The following THOC3 variants were observed in gnomAD, a reference collection of about 807,000 sequenced individuals.
The protein encoded by THOC3 is THO complex subunit 3.
In THOC3, 4 loss-of-function variants were observed where a neutral mutation model predicts 23.3. The ratio of observed to expected loss-of-function variants is 0.17; its 90% CI spans 0.08 to 0.39. The LOEUF (loss-of-function observed/expected upper bound fraction) is 0.39. THOC3 is among the 10% of genes least tolerant of loss of function. The pLI is 1.00. For synonymous variants in THOC3, 27 were observed against 141.5 expected (o/e 0.19, Z 5.74); for missense variants, 64 against 359.4 (o/e 0.18, Z 6.65).
chr5:175,964,332 C>T (rs1267388963), intron 3 of THOC3, among the ~76,000 whole-genome samples: 3 of 152,208 alleles, frequency 2.0e-5, no homozygotes, highest in African/African-American at 7.2e-5. Flanking sequence ...GGGGAGCTTC[C>T]CTGAAGGCAA....
At chr5:175,963,944 A>G (rs1340946491) in intron 3 of THOC3, among the ~76,000 whole-genome samples, 7 of 152,302 alleles carry the variant, frequency 4.6e-5, no homozygotes, top group African/African-American at 1.7e-4. Context: ...AACCCCCCAT[A>G]TAGTATGTCT....
intron 2 of THOC3, among the ~76,000 whole-genome samples, chr5:175,965,845 T>C (rs1341093595): frequency 2.0e-5 from 3 of 152,246 alleles, no homozygotes; most frequent in Non-Finnish European, 2.9e-5. Context: ...TTAAACACTA[T>C]ACTTTTCTTT....
intron 2 of THOC3, among the ~76,000 whole-genome samples, chr5:175,965,692 T>C (rs1482589296): frequency 6.6e-6 from 1 of 152,266 alleles, no homozygotes; most frequent in Non-Finnish European, 1.5e-5. Context: ...CCCAAAGTGC[T>C]GGGATTACAG....
chr5:175,964,114 T>G (rs1756718688), intron 3 of THOC3, among the ~76,000 whole-genome samples: 1 of 152,144 alleles, frequency 6.6e-6, no homozygotes, highest in Non-Finnish European at 1.5e-5. Flanking sequence ...AAATATTTAC[T>G]AAGATCCTAC....
intron 2 of THOC3, among the ~76,000 whole-genome samples, chr5:175,965,884 A>G (rs1257545807): frequency 2.0e-5 from 3 of 152,286 alleles, no homozygotes; most frequent in African/African-American, 7.2e-5. Context: ...AATTGATTCA[A>G]AAAAGTTTAC....
chr5:175,965,646 C>T (rs1230877648), intron 2 of THOC3, among the ~76,000 whole-genome samples: 1 of 152,284 alleles, frequency 6.6e-6, no homozygotes, highest in Non-Finnish European at 1.5e-5. Context: ...AGGATGGTCT[C>T]GATCTCCTGA....
intron 2 of THOC3, 86 bp from the exon 3 acceptor site, chr5:175,965,241 G>A (rs1756743679): frequency 1.3e-6 from 2 of 1,575,742 alleles, no homozygotes; most frequent in Non-Finnish European, 1.7e-6. Context: ...AAGAAGACCA[G>A]AGCTTTCTTC....
intron 3 of THOC3, among the ~76,000 whole-genome samples, chr5:175,962,194 T>G (rs1332224332): frequency 1.3e-5 from 2 of 150,040 alleles, no homozygotes; most frequent in African/African-American, 5.0e-5. Flanking sequence ...ATATTGTTGT[T>G]CTGAGACATC....
At chr5:175,966,553 C>T (rs1308341807) in intron 2 of THOC3, among the ~76,000 whole-genome samples, 71 of 109,136 alleles carry the variant, frequency 6.5e-4, no homozygotes, top group African/African-American at 7.6e-4. Flanking sequence ...TATTTACCAA[C>T]TTTCTTTCCT....
At chr5:175,965,473 G>A (rs1756747298) in intron 2 of THOC3, among the ~76,000 whole-genome samples, 1 of 152,260 alleles carries the variant, frequency 6.6e-6, no homozygotes, top group Non-Finnish European at 1.5e-5. Context: ...AAGTCACAGA[G>A]CTATGAAGTG....
At chr5:175,963,094 C>T (rs1392557560) in intron 3 of THOC3, among the ~76,000 whole-genome samples, 1 of 152,180 alleles carries the variant, frequency 6.6e-6, no homozygotes, top group Non-Finnish European at 1.5e-5. Context: ...AAACACCTAA[C>T]TGCTCATCTT....
chr5:175,962,029 T>C (rs1320602101), intron 3 of THOC3, among the ~76,000 whole-genome samples: 1 of 151,210 alleles, frequency 6.6e-6, no homozygotes, highest in East Asian at 1.9e-4. Flanking sequence ...TTGCAAAAAC[T>C]ATACATGGTT....
Position 175,968,248 on chromosome 5 carries a change from C to G in THOC3, c.-40G>C, listed in dbSNP as rs753818512. ...CTTCCAACTCACAACACTGCAGCAG[C>G]CTCCACGGCGCAGTCAGTCCTGGCG... On this transcript the variant is annotated 5_prime_UTR_variant, in exon 1 of 6. Coordinates refer to ENST00000265097, the MANE Select transcript of THOC3 (RefSeq NM_032361.4). The G allele has an allele frequency of 1.3e-6, 2 of 1,539,252 alleles. No homozygotes were observed. The highest frequency in any genetic ancestry group is 2.7e-5 in the African/African-American group (2 of 73,152).
intron 3 of THOC3, among the ~76,000 whole-genome samples, chr5:175,962,539 T>G (rs1756683500): frequency 7.8e-6 from 1 of 128,768 alleles, no homozygotes; most frequent in African/African-American, 3.2e-5. Flanking sequence ...TTTTTTTTTT[T>G]GAGGTGGAAT....
chr5:175,962,399 T>C (rs143021037), intron 3 of THOC3, among the ~76,000 whole-genome samples: 2,200 of 77,976 alleles, frequency 0.028, 121 homozygotes, highest in African/African-American at 0.12. Context: ...TAAGGTATTT[T>C]ATCTTTAAAT....
At chr5:175,966,020 G>A (rs1422344467) in intron 2 of THOC3, among the ~76,000 whole-genome samples, 8 of 151,680 alleles carry the variant, frequency 5.3e-5, no homozygotes, top group Admixed American at 2.6e-4. Context: ...GGCAAAACCC[G>A]TCTCTACAAA....
intron 3 of THOC3, among the ~76,000 whole-genome samples, chr5:175,961,913 T>C (rs1423482750): frequency 6.6e-6 from 1 of 151,728 alleles, no homozygotes; most frequent in East Asian, 1.9e-4. Context: ...AGGAATAATG[T>C]TCCCATGAAC....
intron 3 of THOC3, among the ~76,000 whole-genome samples, chr5:175,964,547 C>T (rs1394989712): frequency 6.6e-6 from 1 of 151,218 alleles, no homozygotes; most frequent in Non-Finnish European, 1.5e-5. Flanking sequence ...ACCTCGGAGG[C>T]AGAGGTTGCG....
chr5:175,963,776 TC>T (rs1262690943), intron 3 of THOC3, among the ~76,000 whole-genome samples: 1 of 150,536 alleles, frequency 6.6e-6, no homozygotes, highest in Admixed American at 6.6e-5. Flanking sequence ...CTCTCTTATT[TC>T]CCTTATCTGC....
Sources: allele counts gnomAD v4.1 joint callset (sites outside exome capture counted in the v4.1 genomes callset), GRCh38; gene constraint gnomAD v4.1.1; transcripts MANE v1.5; gene names NCBI Gene and HGNC (gene_info 2026-07-23, HGNC 2026-07-21).